The following CLN6 variants were observed in gnomAD, a reference collection of about 807,000 sequenced individuals.
The protein encoded by CLN6 is ceroid-lipofuscinosis neuronal protein 6.
In CLN6, 22 loss-of-function variants were observed where a neutral mutation model predicts 33.3. The observed-to-expected ratio is 0.66, with a 90% CI of 0.47 to 0.94. The LOEUF is 0.94. Ranked by LOEUF, CLN6 falls within the 40% of genes least tolerant of loss-of-function variation. The probability of loss-of-function intolerance (pLI) is 0.00; values close to 1 mark genes in which losing one functional copy is unlikely to be tolerated. For synonymous variants in CLN6, 201 were observed against 174.6 expected, an observed-to-expected ratio of 1.15 and a Z score of -1.19; for missense variants, 387 against 417.1, an observed-to-expected ratio of 0.93 and a Z score of 0.63.
rs2093189255 is a variant in CLN6 at position 68,207,310 on chromosome 15, G to C, written c.*830C>G. The C allele has an allele frequency of 6.6e-6, 1 of 152,616 alleles. No individual in the cohort carries two copies. Among genetic ancestry groups the C allele is most frequent in the Non-Finnish European group, 1.5e-5 (1 of 68,348 alleles). 9.5% of individuals were successfully genotyped at this position (152,616 alleles called of 1,614,324 possible). A position where few individuals can be genotyped will look rare whatever the true frequency, so the allele number is the denominator to read the frequency against. On this transcript the variant is annotated 3_prime_UTR_variant, in exon 7 of 7. Coordinates refer to ENST00000249806, the MANE Select transcript of CLN6 (RefSeq NM_017882.3). ...TGCAGGCGCTCAAAGCCTGTGGCTA[G>C]GCTGCCCGAAGCGCGTGCCGCAGTT... is the stretch of plus-strand genomic sequence containing the variant.
chr15:68,231,511 A>G (rs1445179339), upstream of CLN6, among the ~76,000 whole-genome samples: 1 of 152,232 alleles, frequency 6.6e-6, no homozygotes, highest in Non-Finnish European at 1.5e-5. Flanking sequence ...GAGAAGAAGG[A>G]TTGAGGCTTC....
Position 68,227,501 on chromosome 15 carries a change from A to G in CLN6, c.83+2001T>C, listed in dbSNP as rs760611473. Reference sequence around the variant, plus strand: ...ATTCTGCCTACTCTCTTGAGCAGCAATGATACTGGGAATGGGCTGAAGCCA... The same window carrying G: ...ATTCTGCCTACTCTCTTGAGCAGCAGTGATACTGGGAATGGGCTGAAGCCA... On this transcript the variant is annotated intron_variant, in intron 1 of 6. Coordinates refer to ENST00000249806, the MANE Select transcript of CLN6 (RefSeq NM_017882.3). The surrounding 1 kb of genome is among the most constrained non-coding windows in gnomAD (Gnocchi z 4.1). 6.6e-6 allele frequency among the ~76,000 whole-genome samples: 1 copy of G among 152,194 alleles called. No homozygotes were observed. Among genetic ancestry groups the G allele is most frequent in the East Asian group, 1.9e-4 (1 of 5,184 alleles).
intron 1 of CLN6, among the ~76,000 whole-genome samples, chr15:68,221,802 G>T (rs995397469): frequency 7.7e-6 from 1 of 129,970 alleles, no homozygotes; most frequent in Admixed American, 7.8e-5. Context: ...CTGCCCGGCC[G>T]CCCCGTCTGG....
intron 1 of CLN6, among the ~76,000 whole-genome samples, chr15:68,249,341 A>G (rs970487683): frequency 2.6e-5 from 4 of 152,370 alleles, no homozygotes; most frequent in Admixed American, 2.6e-4. Flanking sequence ...AAAAGAGAGG[A>G]AATTGATATA....
chr15:68,216,950 T>C (rs1393096460), intron 2 of CLN6, among the ~76,000 whole-genome samples: 1 of 152,240 alleles, frequency 6.6e-6, no homozygotes, highest in Non-Finnish European at 1.5e-5. Context: ...CCTCTATGCT[T>C]GACCTCGAGC....
intron 1 of CLN6, 32 bp downstream of exon 1, chr15:68,229,470 T>TA: frequency 6.9e-7 from 1 of 1,443,976 alleles, no homozygotes; most frequent in East Asian, 3.1e-5. Context: ...CACAGGCGCC[T>TA]AGCCCGCCCT....
rs1892434848 is a variant in CLN6, at chr15:68,256,284, T to C, written c.179+406A>G. Among the ~76,000 whole-genome samples, 1 of 151,994 alleles carries C rather than the reference T, an allele frequency of 6.6e-6. No individual in the cohort carries two copies. The highest frequency in any genetic ancestry group is 2.4e-5 in the African/African-American group (1 of 41,376). The stretch of plus-strand genomic sequence containing the variant: ...ACCATGCCCAGCTAATTTTTTTGTA[T>C]TTTTAGTAGAGGCGGGGTTTCACTA... On this transcript the variant is annotated intron_variant, in intron 1 of 6. Coordinates refer to the CLN6 transcript ENST00000538696. The surrounding 1 kb of genome is among the most constrained non-coding windows in gnomAD (Gnocchi z 4.1).
intron 1 of CLN6, chr15:68,255,066 T>C (rs1356929050): frequency 1.2e-5 from 7 of 593,508 alleles, no homozygotes; most frequent in African/African-American, 1.9e-5. Context: ...GAAAGGGGCA[T>C]ATGTCACTAA....
chr15:68,237,492 A>G (rs1274072227), intron 1 of CLN6, among the ~76,000 whole-genome samples: 1 of 152,158 alleles, frequency 6.6e-6, no homozygotes, highest in Admixed American at 6.5e-5. Context: ...TCTAAAAACA[A>G]AATGAAACAA....
At position 68,243,404 on chromosome 15, in the gene CLN6, A is replaced by G. The variant is rs184513115; in HGVS notation, c.179+13286T>C. Among the ~76,000 whole-genome samples, 313 of 152,320 alleles carry G rather than the reference A, an allele frequency of 2.1e-3. 1 individual carries two copies. The highest frequency in any genetic ancestry group is 2.5e-3 in the Non-Finnish European group (171 of 68,028). On this transcript the variant is annotated intron_variant, in intron 1 of 6. Transcript: ENST00000538696. ...GTAAAGGGTTCTAAAAAGTTCATGAAAATCTTACCTTATGGTCAAACTAAT... is the reference window on the plus strand; with the variant it reads ...GTAAAGGGTTCTAAAAAGTTCATGAGAATCTTACCTTATGGTCAAACTAAT...
chr15:68,223,192 G>A (rs927765397), intron 1 of CLN6, among the ~76,000 whole-genome samples: 17 of 151,846 alleles, frequency 1.1e-4, no homozygotes, highest in Non-Finnish European at 4.4e-5. Context: ...CATGAGGGAA[G>A]GGAGCCTCAA....
Position 68,211,298 on chromosome 15 carries a change from G to A in CLN6, c.507C>T (p.Leu169=), listed in dbSNP as rs1273285939. The A allele has an allele frequency of 6.2e-7, 1 of 1,614,016 alleles. No individual in the cohort carries two copies. Among genetic ancestry groups the A allele is most frequent in the South Asian group, 1.1e-5 (1 of 91,078 alleles). Residue 169 remains leucine, a synonymous_variant, in exon 5 of 7, where the codon CTC becomes CTT. Coordinates refer to ENST00000249806, the MANE Select transcript of CLN6 (RefSeq NM_017882.3). This position sits in a 1 kb window ranked among gnomAD's most constrained non-coding sequence, Gnocchi z 5.9. ...PETLIDSFEL[L]YYYDEYLGHC... ...GACCCAGGTACTCATCATAATAGTA[G>A]AGCAGCTCAAAGGAGTCGATCTGAG...
intron 3 of CLN6, chr15:68,212,387 T>C (rs2093208762): frequency 6.2e-6 from 1 of 161,472 alleles, no homozygotes; most frequent in Non-Finnish European, 1.4e-5. Flanking sequence ...TCTGGAGATT[T>C]GAAGTATCTT....
chr15:68,220,228 C>A lies in CLN6; in HGVS notation c.84-1578G>T, dbSNP rs1040847219. ...GTCCCCTCTACTCGGTATCTTCCAC[C>A]CCCTCACTGAACACCAACTATGTGC... On this transcript the variant is annotated intron_variant, in intron 1 of 6. Coordinates refer to ENST00000249806, the MANE Select transcript of CLN6 (RefSeq NM_017882.3). The surrounding 1 kb of genome is among the most constrained non-coding windows in gnomAD (Gnocchi z 4.2). Among the ~76,000 whole-genome samples, 1 of 152,166 alleles carries A rather than the reference C, an allele frequency of 6.6e-6. No homozygotes were observed. Among genetic ancestry groups the A allele is most frequent in the Non-Finnish European group, 1.5e-5 (1 of 68,032 alleles).
Position 68,208,244 on chromosome 15 carries a change from C to T in CLN6, c.832G>A (p.Ala278Thr), listed in dbSNP as rs143728911. 30 of 1,613,874 alleles carry T rather than the reference C, an allele frequency of 1.9e-5. No homozygotes were observed. The Admixed American group carries it at 3.7e-4, about 20-fold the overall frequency. Residue 278 changes from alanine (A) to threonine (T), a missense_variant, in exon 7 of 7, where the codon GCC becomes ACC. Ala to Thr is a moderately conservative substitution (Grantham distance 58). Coordinates refer to ENST00000249806, the MANE Select transcript of CLN6 (RefSeq NM_017882.3). The surrounding 1 kb of genome is among the most constrained non-coding windows in gnomAD (Gnocchi z 5.8). ...AGAACAGGGTCATTCCACAGCCAGG[C>T]GACCCAGAGCGCCACAAGCAAGAGG... ...LTLLLVALWV[A>T]WLWNDPVLRK...
chr15:68,237,417 G>A (rs1266204854), intron 1 of CLN6, among the ~76,000 whole-genome samples: 2 of 152,102 alleles, frequency 1.3e-5, no homozygotes, highest in African/African-American at 2.4e-5. Flanking sequence ...GAGCCCAAAA[G>A]GTCGGGGCTG....
In CLN6 at chr15:68,219,127, G is replaced by C. The variant is rs1411814745; in HGVS notation, c.84-477C>G. Among the ~76,000 whole-genome samples the C allele has an allele frequency of 1.3e-5, 2 of 152,120 alleles. No individual in the cohort carries two copies. The highest frequency in any genetic ancestry group is 4.8e-5 in the African/African-American group (2 of 41,422). On this transcript the variant is annotated intron_variant, in intron 1 of 6. Coordinates refer to ENST00000249806, the MANE Select transcript of CLN6 (RefSeq NM_017882.3). The surrounding 1 kb of genome is among the most constrained non-coding windows in gnomAD (Gnocchi z 4.2). ...CCTCCATTTTAGAAACGAAAAAACT[G>C]AGGCCCAAGAGGCTCAATAACTTGC...
intron 1 of CLN6, among the ~76,000 whole-genome samples, chr15:68,221,312 A>G (rs1411954115): frequency 1.4e-5 from 2 of 140,994 alleles, no homozygotes; most frequent in Admixed American, 7.4e-5. Flanking sequence ...GCTCCCTGCA[A>G]CCTCCCTGCC....
Position 68,211,729 on chromosome 15 carries a change from GTGC to G in CLN6, c.429_431del (p.Gln143del). On this transcript the variant is annotated inframe_deletion, in exon 4 of 7. Coordinates refer to ENST00000249806, the MANE Select transcript of CLN6 (RefSeq NM_017882.3). This position sits in a 1 kb window ranked among gnomAD's most constrained non-coding sequence, Gnocchi z 5.9. ...TGGGGTTCTCACGGACAGACAGGTG[GTGC>G]TGGTAGCCACTGAAGAGCAGGCGGT... 1 of 1,613,982 alleles carries G rather than the reference GTGC, an allele frequency of 6.2e-7. No individual in the cohort carries two copies. Among genetic ancestry groups the G allele is most frequent in the Non-Finnish European group, 8.5e-7 (1 of 1,180,028 alleles).
Sources: allele counts gnomAD v4.1 joint callset (sites outside exome capture counted in the v4.1 genomes callset), GRCh38; gene constraint gnomAD v4.1.1; non-coding constraint Gnocchi (gnomAD v3.1); transcripts MANE v1.5; gene names NCBI Gene and HGNC (gene_info 2026-07-23, HGNC 2026-07-21).